OTULIN: variants seen among roughly 807,000 people sequenced by gnomAD.
OTULIN encodes ubiquitin thioesterase otulin.
A neutral mutation model predicts 39.6 loss-of-function variants in OTULIN; 15 were observed. The ratio of observed to expected loss-of-function variants is 0.38; its 90% CI spans 0.25 to 0.58. The LOEUF (loss-of-function observed/expected upper bound fraction) is 0.58, where lower values mean the gene tolerates loss of function less well. OTULIN is among the 20% of genes least tolerant of loss of function. The pLI is 0.66. For synonymous variants in OTULIN, 156 were observed against 170.3 expected (o/e 0.92, Z 0.65); for missense variants, 319 against 445.9 (o/e 0.72, Z 2.56).
intron 1 of OTULIN, among the ~76,000 whole-genome samples, chr5:14,667,999 T>G (rs1168996210): frequency 6.6e-6 from 1 of 152,202 alleles, no homozygotes; most frequent in Middle Eastern, 3.2e-3. Flanking sequence ...GAGAAGAGAC[T>G]ACTCCATGGC....
At chr5:14,670,083 G>C (rs1240020821) in intron 1 of OTULIN, among the ~76,000 whole-genome samples, 1 of 152,124 alleles carries the variant, frequency 6.6e-6, no homozygotes, top group Admixed American at 6.5e-5. Flanking sequence ...TGGAATTGAG[G>C]TTGACTGCCA....
At chr5:14,712,280 T>C in the OTULIN span, among the ~76,000 whole-genome samples, 4 of 152,246 alleles carry the variant, frequency 2.6e-5, no homozygotes, top group African/African-American at 7.2e-5. Flanking sequence ...CTGTTCACTC[T>C]GCTACTCTCT....
chr5:14,703,323 TCAAAAAAAAAAAAA>T (rs1220985744), downstream of OTULIN, among the ~76,000 whole-genome samples: 1 of 69,796 alleles, frequency 1.4e-5, no homozygotes, highest in African/African-American at 6.4e-5. Flanking sequence ...TTTAATAGTG[TCAAAAAAAAAAAAA>T]AAAAAAAAAA....
intron 1 of OTULIN, 68 bp downstream of exon 1, chr5:14,665,045 G>A: frequency 4.1e-6 from 4 of 979,576 alleles, no homozygotes; most frequent in Non-Finnish European, 4.8e-6. Flanking sequence ...AAGCCGGGCT[G>A]GGGTGGGGAG....
rs1736618357 is a variant in OTULIN at position 14,694,573 on chromosome 5, A to C, written c.*1525A>C. The C allele has an allele frequency of 6.6e-6, 1 of 152,276 alleles. No homozygotes were observed. The highest frequency in any genetic ancestry group is 6.5e-5 in the Admixed American group (1 of 15,284). 9.4% of individuals were successfully genotyped at this position (152,276 alleles called of 1,614,324 possible). A position where few individuals can be genotyped will look rare whatever the true frequency, so the allele number is the denominator to read the frequency against. ...GAGGCAAACCGTTTTTGAAAATGTA[A>C]ATTTTGTTTTTAATTAAAAATAAAG... On this transcript the variant is annotated 3_prime_UTR_variant, in exon 7 of 7. Coordinates refer to ENST00000284274, the MANE Select transcript of OTULIN (RefSeq NM_138348.6).
chr5:14,680,658 C>T (rs936111789), intron 3 of OTULIN, among the ~76,000 whole-genome samples: 5 of 152,192 alleles, frequency 3.3e-5, no homozygotes, highest in Admixed American at 1.3e-4. Flanking sequence ...TTTCAGGGTA[C>T]GTTTCAGAAT....
chr5:14,708,710 C>A, the OTULIN span: 1 of 152,230 alleles, frequency 6.6e-6, no homozygotes, highest in Non-Finnish European at 1.5e-5. Flanking sequence ...AAGGTTTGAA[C>A]AAGTCCTGCC....
downstream of OTULIN, among the ~76,000 whole-genome samples, chr5:14,703,843 A>G (rs1327988300): frequency 6.6e-6 from 1 of 152,170 alleles, no homozygotes; most frequent in Admixed American, 6.5e-5. Flanking sequence ...AGCACAGTGG[A>G]GGTAGGACTG....
At chr5:14,671,338 G>A (rs1195508489) in intron 1 of OTULIN, among the ~76,000 whole-genome samples, 2 of 152,208 alleles carry the variant, frequency 1.3e-5, no homozygotes, top group Non-Finnish European at 2.9e-5. Context: ...GAGGAACCAT[G>A]TAGCTTACAC....
intron 4 of OTULIN, among the ~76,000 whole-genome samples, chr5:14,683,333 T>C (rs907789896): frequency 6.6e-6 from 1 of 152,162 alleles, no homozygotes; most frequent in Admixed American, 6.5e-5. Flanking sequence ...CTTAAGCCGA[T>C]TTTTCAGTAT....
At chr5:14,675,615 G>A (rs191045096) in intron 2 of OTULIN, among the ~76,000 whole-genome samples, 147 of 152,306 alleles carry the variant, frequency 9.7e-4, no homozygotes, top group Non-Finnish European at 1.8e-3. Context: ...CACCCTGTAG[G>A]CTCTCGGTTG....
At chr5:14,708,014 TC>T in the OTULIN span, 1 of 152,110 alleles carries the variant, frequency 6.6e-6, no homozygotes, top group Non-Finnish European at 1.5e-5. Flanking sequence ...CCGTCAATAC[TC>T]CCTGAGCCAT....
chr5:14,687,810 A>G, intron 5 of OTULIN, 164 bp downstream of exon 5: 1 of 755,614 alleles, frequency 1.3e-6, no homozygotes, highest in Non-Finnish European at 2.0e-6. Context: ...CGAGGGCTTT[A>G]GTAAAATGGG....
chr5:14,704,922 A>G, the OTULIN span: 1 of 152,256 alleles, frequency 6.6e-6, no homozygotes, highest in African/African-American at 2.4e-5. Flanking sequence ...GCTCTTACCA[A>G]TGCAAAAACT....
chr5:14,670,316 A>G (rs1735948737), intron 1 of OTULIN, among the ~76,000 whole-genome samples: 3 of 152,086 alleles, frequency 2.0e-5, no homozygotes, highest in African/African-American at 7.2e-5. Context: ...CTTAACCTCT[A>G]CCTGTTCCAG....
the OTULIN span, among the ~76,000 whole-genome samples, chr5:14,713,237 G>A: frequency 7.2e-5 from 11 of 152,210 alleles, no homozygotes; most frequent in Non-Finnish European, 1.0e-4. The surrounding 1 kb of genome is among the most constrained non-coding windows in gnomAD (Gnocchi z 4.4). Context: ...CTCCCTGAGC[G>A]CAGGGACCAT....
chr5:14,688,231 C>T (rs1736435215), intron 5 of OTULIN, among the ~76,000 whole-genome samples: 1 of 152,132 alleles, frequency 6.6e-6, no homozygotes. Flanking sequence ...GGATGTCCTG[C>T]CTGCACACTG....
chr5:14,673,667 G>C lies in OTULIN; in HGVS notation c.178G>C (p.Asp60His), dbSNP rs1467804942. Residue 60 changes from aspartate to histidine, a missense_variant, in exon 2 of 7, where the codon GAT (aspartate) becomes CAT (histidine). Asp to His is a moderately conservative substitution (Grantham distance 81). Transcript: ENST00000284274. ...EHEEDMYRAA[D>H]EIEKEKELLI... is the part of the protein sequence containing the mutation. ...TGAGGAGGACATGTACCGTGCTGCA[G>C]ATGAAATAGAAAAGGAGAAAGAATT... 4.3e-6 allele frequency: 7 copies of C among 1,613,664 alleles called. No individual in the cohort carries two copies. The highest frequency in any genetic ancestry group is 5.9e-6 in the Non-Finnish European group (7 of 1,179,864).
chr5:14,710,202 T>TATCTA, the OTULIN span: 2 of 152,188 alleles, frequency 1.3e-5, no homozygotes, highest in African/African-American at 2.4e-5. Flanking sequence ...CCAGGTAATA[T>TATCTA]ATCTACTTCA....
Sources: gnomAD v4.1 joint callset for allele counts (sites outside exome capture counted in the v4.1 genomes callset) on GRCh38, gnomAD v4.1.1 for gene constraint, Gnocchi (gnomAD v3.1) non-coding constraint, MANE v1.5 for transcripts, NCBI Gene and HGNC (gene_info 2026-07-23, HGNC 2026-07-21) for gene names.